The following DMD variants were observed in gnomAD, a reference collection of about 807,000 sequenced individuals.
DMD encodes mutant dystrophin.
A neutral mutation model predicts 330.1 loss-of-function variants in DMD; 63 were observed. That is an observed-to-expected ratio of 0.19 (90% CI 0.16 to 0.24). The LOEUF (loss-of-function observed/expected upper bound fraction) is 0.24. Among genes scored for constraint, DMD ranks in the 10% least tolerant of loss-of-function variants. The pLI is 1.00. For synonymous variants in DMD, 1,223 were observed against 959.8 expected (o/e 1.27, Z -5.07); for missense variants, 3,344 against 2,684.1 (o/e 1.25, Z -5.43).
chrX:33,012,677 A>G (rs1447287387), intron 2 of DMD, among the ~76,000 whole-genome samples: 1 of 111,534 alleles, frequency 9.0e-6, no homozygotes, highest in Non-Finnish European at 1.9e-5. Context: ...ACAGTATTCA[A>G]TCAATTACAT....
chrX:32,824,712 C>T lies in DMD; in HGVS notation c.265-1325G>A, dbSNP rs942682084. On this transcript the variant is annotated intron_variant, in intron 4 of 78. Transcript: ENST00000357033. ...GATGGTGGATTTACAAACCTACACA[C>T]GTAATAATGTTGCATAGAACTAAAT... Among the ~76,000 whole-genome samples the T allele has an allele frequency of 6.3e-5, 7 of 111,746 alleles. No individual in the cohort carries two copies. In the South Asian group the frequency reaches 1.1e-3, roughly 18 times the overall value.
intron 6 of DMD, among the ~76,000 whole-genome samples, chrX:32,813,264 A>G (rs901979347): frequency 8.9e-6 from 1 of 112,110 alleles, no homozygotes; most frequent in Non-Finnish European, 1.9e-5. Context: ...TCAAATGCAT[A>G]AAAATTGTAA....
At chrX:31,905,263 A>T (rs1194814544) in intron 47 of DMD, among the ~76,000 whole-genome samples, 2 of 111,053 alleles carry the variant, frequency 1.8e-5, no homozygotes, top group African/African-American at 6.6e-5. Context: ...TGGTACTTCA[A>T]ATAGTTTTTT....
intron 1 of DMD, among the ~76,000 whole-genome samples, chrX:33,163,818 T>A (rs2048924409): frequency 9.1e-6 from 1 of 109,888 alleles, no homozygotes; most frequent in African/African-American, 3.3e-5. Flanking sequence ...AACCCACTCA[T>A]GTTTTCTAAG....
At position 32,108,652 on chromosome X, in the gene DMD, CT is replaced by C. The variant is rs1390134124; in HGVS notation, c.6438+108263del. On this transcript the variant is annotated intron_variant, in intron 44 of 78. Coordinates refer to ENST00000357033, the MANE Select transcript of DMD (RefSeq NM_004006.3). ...ATTCAAAGGTGGTATCTTTTCTCTG[CT>C]ATTGGTTTTATAATCATATACCTAT... Among the ~76,000 whole-genome samples, 11 of 111,733 alleles carry C rather than the reference CT, an allele frequency of 9.8e-5. No individual in the cohort carries two copies. The Admixed American group carries it at 1.0e-3, about 11-fold the overall frequency.
chrX:32,477,097 A>C (rs916493005), intron 21 of DMD, among the ~76,000 whole-genome samples: 1 of 111,468 alleles, frequency 9.0e-6, no homozygotes, highest in Non-Finnish European at 1.9e-5. Flanking sequence ...CTCTAAAGAA[A>C]GTATTCCTAT....
intron 15 of DMD, among the ~76,000 whole-genome samples, chrX:32,571,620 T>C (rs746718272): frequency 2.7e-5 from 3 of 112,367 alleles, no homozygotes; most frequent in Non-Finnish European, 3.8e-5. Context: ...TCTGAGATTC[T>C]AGTTGTGTAA....
At chrX:31,449,379 T>G (rs893944930) in intron 59 of DMD, among the ~76,000 whole-genome samples, 15 of 111,298 alleles carry the variant, frequency 1.3e-4, no homozygotes, top group Non-Finnish European at 2.3e-4. Context: ...AGGTTCAACA[T>G]TTTTTAGCAG....
chrX:31,749,543 T>C (rs1197085798), intron 51 of DMD, among the ~76,000 whole-genome samples: 9 of 109,185 alleles, frequency 8.2e-5, no homozygotes, highest in African/African-American at 3.3e-5. Flanking sequence ...CAGTCTATCA[T>C]TGTTGGACAT....
At chrX:31,869,022 C>T (rs1450892641) in intron 48 of DMD, among the ~76,000 whole-genome samples, 1 of 42,926 alleles carries the variant, frequency 2.3e-5, no homozygotes, top group Non-Finnish European at 3.8e-5. Flanking sequence ...TGTACCACTG[C>T]TCCTAAAAGA....
intron 2 of DMD, among the ~76,000 whole-genome samples, chrX:32,970,998 G>A (rs962293211): frequency 9.1e-6 from 1 of 109,926 alleles, no homozygotes; most frequent in Non-Finnish European, 1.9e-5. Flanking sequence ...GTTCACTCTT[G>A]TTGCCCAGGC....
chrX:32,235,873 G>T (rs1039970157), intron 43 of DMD, among the ~76,000 whole-genome samples: 1 of 110,606 alleles, frequency 9.0e-6, no homozygotes, highest in Non-Finnish European at 1.9e-5. Context: ...TATTGTCATT[G>T]TATTAAAAAA....
intron 54 of DMD, among the ~76,000 whole-genome samples, chrX:31,641,475 C>G (rs960106321): frequency 1.0e-5 from 1 of 95,448 alleles, no homozygotes; most frequent in Non-Finnish European, 2.0e-5. Context: ...GCACTACAGC[C>G]TGGGCAAGAG....
chrX:31,287,384 A>C (rs2053302839), intron 62 of DMD, among the ~76,000 whole-genome samples: 1 of 112,647 alleles, frequency 8.9e-6, no homozygotes, highest in Non-Finnish European at 1.9e-5. Flanking sequence ...AGAGGAAAAG[A>C]AAAACACATT....
chrX:32,218,936 G>C (rs1288796523), intron 43 of DMD, among the ~76,000 whole-genome samples: 1 of 111,210 alleles, frequency 9.0e-6, no homozygotes, highest in African/African-American at 3.3e-5. Flanking sequence ...TAGTTCTAGA[G>C]GTTTTTTCCC....
chrX:31,841,513 C>T (rs768980470), intron 48 of DMD, among the ~76,000 whole-genome samples: 1 of 109,810 alleles, frequency 9.1e-6, no homozygotes, highest in Admixed American at 9.7e-5. Context: ...GAAAAAGATG[C>T]CATCTAGGAC....
At chrX:32,208,331 A>C (rs1214869479) in intron 44 of DMD, among the ~76,000 whole-genome samples, 1 of 112,071 alleles carries the variant, frequency 8.9e-6, no homozygotes, top group Non-Finnish European at 1.9e-5. Flanking sequence ...TCAATCTCAA[A>C]GTATTACAAA....
intron 1 of DMD, among the ~76,000 whole-genome samples, chrX:33,021,884 A>G (rs1399338358): frequency 9.0e-6 from 1 of 111,705 alleles, no homozygotes; most frequent in Non-Finnish European, 1.9e-5. Flanking sequence ...ATAAATAAAA[A>G]CAGATAGTAA....
At chrX:31,476,354 G>A (rs1388020859) in intron 59 of DMD, among the ~76,000 whole-genome samples, 2 of 97,780 alleles carry the variant, frequency 2.0e-5, no homozygotes, top group African/African-American at 7.5e-5. Context: ...ATGTATATAT[G>A]TATATATACT....
Sources: allele counts gnomAD v4.1 joint callset (sites outside exome capture counted in the v4.1 genomes callset), GRCh38; gene constraint gnomAD v4.1.1; transcripts MANE v1.5; gene names NCBI Gene and HGNC (gene_info 2026-07-23, HGNC 2026-07-21).